NAT10: variants seen among roughly 807,000 people sequenced by gnomAD.
The protein encoded by NAT10 is N-acetyltransferase 10.
Under a neutral mutation model 132.2 loss-of-function variants are expected in NAT10, and 109 were observed. That is an observed-to-expected ratio of 0.82 (90% CI 0.71 to 0.97). The LOEUF (loss-of-function observed/expected upper bound fraction) is 0.97, where lower values mean the gene tolerates loss of function less well. Ranked by LOEUF, NAT10 falls within the 50% of genes least tolerant of loss-of-function variation. NAT10 has a pLI of 0.00. For synonymous variants in NAT10, 479 were observed against 478.0 expected (o/e 1.00, Z -0.03); for missense variants, 1,184 against 1,263.4 (o/e 0.94, Z 0.95).
At chr11:34,106,102 A>G in intron 1 of NAT10, 1 of 152,856 alleles carries the variant, frequency 6.5e-6, no homozygotes, top group Non-Finnish European at 1.5e-5. Context: ...TTTTCCGTGG[A>G]GCTTGCCCGC....
chr11:34,136,548 T>C, intron 19 of NAT10, 94 bp from the exon 20 acceptor site: 2 of 1,466,338 alleles, frequency 1.4e-6, no homozygotes, highest in South Asian at 1.2e-5. Flanking sequence ...CAGTTTTTGT[T>C]GTGCTAAGTC....
chr11:34,108,633 C>A, intron 2 of NAT10, 109 bp from the exon 3 acceptor site: 2 of 1,052,804 alleles, frequency 1.9e-6, no homozygotes, highest in South Asian at 1.6e-5. Context: ...GGGCACTTCC[C>A]TTCCCTGGCC....
At chr11:34,120,094 A>G (rs954584762) in intron 8 of NAT10, among the ~76,000 whole-genome samples, 4 of 145,694 alleles carry the variant, frequency 2.7e-5, no homozygotes, top group Non-Finnish European at 1.5e-5. Context: ...TACCTTCTTC[A>G]TATAATTATT....
chr11:34,121,562 A>T (rs1851893697), intron 8 of NAT10, among the ~76,000 whole-genome samples: 1 of 152,064 alleles, frequency 6.6e-6, no homozygotes, highest in Non-Finnish European at 1.5e-5. Flanking sequence ...GCATGTGTAT[A>T]AAAGTCTGGT....
chr11:34,122,558 C>T lies in NAT10; in HGVS notation c.880C>T (p.Leu294=). 6.2e-7 allele frequency: 1 copy of T among 1,614,150 alleles called. No individual in the cohort carries two copies. Among genetic ancestry groups the T allele is most frequent in the Non-Finnish European group, 8.5e-7 (1 of 1,180,020 alleles). Residue 294 remains leucine (L), a synonymous_variant, in exon 9 of 29, where the codon CTG becomes TTG. Transcript: ENST00000257829. ...AARGRGKSAA[L]GLAIAGAVAF... is the part of the protein sequence containing the mutation. ...TCGAGGACGGGGAAAATCTGCAGCC[C>T]TGGGATTGGCGATTGCTGGGGCGGT...
Position 34,131,390 on chromosome 11 carries a change from T to C in NAT10, c.1379T>C (p.Leu460Pro), listed in dbSNP as rs745648324. The C allele has an allele frequency of 6.2e-7, 1 of 1,613,838 alleles. No homozygotes were observed. The highest frequency in any genetic ancestry group is 1.7e-5 in the Admixed American group (1 of 59,954). ...TGATTGTGGGGAGCAGCGCGGACAC[T>C]GTATGAGGTTTCCCTCCAGGAGTCA... ...TTARLASART[L>P]YEVSLQESIR... is the part of the protein sequence containing the mutation. The change falls in exon 14 of 29, where the codon CTG (leucine) becomes CCG (proline). Residue 460 changes from leucine to proline, a missense_variant. Physicochemically the swap from Leu to Pro is moderately conservative, Grantham distance 98. Coordinates refer to ENST00000257829, the MANE Select transcript of NAT10 (RefSeq NM_024662.3).
At chr11:34,121,350 TG>T (rs915905253) in intron 8 of NAT10, among the ~76,000 whole-genome samples, 5 of 151,914 alleles carry the variant, frequency 3.3e-5, no homozygotes, top group African/African-American at 1.2e-4. Context: ...AAGTAAGAAA[TG>T]GTAGGATTTT....
chr11:34,142,419 C>A, intron 27 of NAT10, 71 bp downstream of exon 27: 1 of 1,339,882 alleles, frequency 7.5e-7, no homozygotes, highest in Non-Finnish European at 1.1e-6. Flanking sequence ...CACGTTTCTT[C>A]TAATCATATC....
rs149555377 is a variant in NAT10, at chr11:34,133,036, A to G, written c.1628A>G (p.Asn543Ser). The G allele has an allele frequency of 1.2e-4, 198 of 1,613,972 alleles. No individual in the cohort carries two copies. In the African/African-American group the frequency reaches 1.6e-3, roughly 13 times the overall value. ...YVASHYKNSPNDLQMLSDAPA... is the reference protein window; with the variant it reads ...YVASHYKNSPSDLQMLSDAPA... The stretch of plus-strand genomic sequence containing the variant: ...GTTTGGCTTCCACAGAACTCTCCCA[A>G]TGATCTCCAGATGCTCTCCGATGCA... The change falls in exon 16 of 29, where the codon AAT becomes AGT. Residue 543 changes from asparagine (N) to serine (S), a missense_variant. Transcript: ENST00000257829.
At position 34,135,299 on chromosome 11, in the gene NAT10, T is replaced by G; in HGVS notation, c.2028+8T>G. The G allele has an allele frequency of 6.2e-7, 1 of 1,610,316 alleles. No homozygotes were observed. ...CACACCGTAAGCAGCGAGGTAAGCA[T>G]CTTTCGACAGACCTCCTGTGTCCTG... On this transcript the variant is annotated splice_region_variant and intron_variant, in intron 19 of 28. Transcript: ENST00000257829.
chr11:34,118,838 G>A (rs1468964102), intron 8 of NAT10, among the ~76,000 whole-genome samples: 1 of 152,074 alleles, frequency 6.6e-6, no homozygotes, highest in Non-Finnish European at 1.5e-5. Flanking sequence ...TCGAACCCCT[G>A]GCCTCAAGCA....
intron 23 of NAT10, among the ~76,000 whole-genome samples, chr11:34,140,137 C>T (rs1044954747): frequency 6.6e-6 from 1 of 151,624 alleles, no homozygotes; most frequent in African/African-American, 2.4e-5. Context: ...CCCTGGGCCA[C>T]AGGGAGCTTT....
intron 18 of NAT10, 136 bp from the exon 19 acceptor site, chr11:34,135,038 GT>G: frequency 7.1e-6 from 5 of 700,632 alleles, no homozygotes; most frequent in Non-Finnish European, 5.0e-6. Context: ...CTCACTCAGG[GT>G]TTTCATTGGT....
chr11:34,117,459 G>A (rs1851801384), intron 6 of NAT10, among the ~76,000 whole-genome samples: 1 of 152,188 alleles, frequency 6.6e-6, no homozygotes, highest in Non-Finnish European at 1.5e-5. Flanking sequence ...CCACACCAAA[G>A]AATTATCTGG....
In NAT10 at chr11:34,140,316, G is replaced by A. The variant is rs1345438397; in HGVS notation, c.2420-84G>A. 1.3e-5 allele frequency: 18 copies of A among 1,338,838 alleles called. No homozygotes were observed. In the East Asian group the frequency reaches 2.6e-4, roughly 19 times the overall value. 82.9% of individuals were successfully genotyped at this position (1,338,838 alleles called of 1,614,324 possible). ...CAGGCCCTGTTAGATGCTCCTGTGT[G>A]TTAGGGTGCCGCCTGGGGGCTGTGT... On this transcript the variant is annotated intron_variant, in intron 23 of 28. Coordinates refer to ENST00000257829, the MANE Select transcript of NAT10 (RefSeq NM_024662.3).
chr11:34,118,370 C>A, intron 7 of NAT10, 26 bp from the exon 8 acceptor site: 1 of 1,611,446 alleles, frequency 6.2e-7, no homozygotes, highest in Non-Finnish European at 8.5e-7. Context: ...CAGTGACAGA[C>A]CTTCCCCTTC....
In NAT10 at chr11:34,127,183, G is replaced by C. The variant is rs73500435; in HGVS notation, c.1108-280G>C. 2.7e-3 allele frequency among the ~76,000 whole-genome samples: 417 copies of C among 152,298 alleles called. 3 individuals are homozygous for C. Among genetic ancestry groups the C allele is most frequent in the African/African-American group, 9.4e-3 (391 of 41,570 alleles). On this transcript the variant is annotated intron_variant, in intron 11 of 28. Transcript: ENST00000257829. ...TTTCCTTCAAGCAGCCATAAGATAG[G>C]TATTTCCTTCATTTTACAGGAGGAG...
intron 3 of NAT10, 26 bp downstream of exon 3, chr11:34,108,859 A>G (rs17700360): frequency 0.085 from 133,665 of 1,581,178 alleles, 6,162 homozygotes; most frequent in Middle Eastern, 0.11. Flanking sequence ...CATGTGTTTT[A>G]TCCAACTTAC....
chr11:34,134,270 C>T, intron 16 of NAT10, 49 bp from the exon 17 acceptor site: 1 of 1,485,308 alleles, frequency 6.7e-7, no homozygotes, highest in East Asian at 2.3e-5. Flanking sequence ...TGAGTGGGCT[C>T]TGTATCAGAG....
Sources: allele counts gnomAD v4.1 joint callset (sites outside exome capture counted in the v4.1 genomes callset), GRCh38; gene constraint gnomAD v4.1.1; transcripts MANE v1.5; gene names NCBI Gene and HGNC (gene_info 2026-07-23, HGNC 2026-07-21).